NXPE2: variants seen among roughly 807,000 people sequenced by gnomAD.
NXPE2 encodes the protein neurexophilin and PC-esterase domain family member 2.
A neutral mutation model predicts 34.4 loss-of-function variants in NXPE2; 34 were observed. The observed-to-expected ratio is 0.99, with a 90% CI of 0.75 to 1.31. The LOEUF is 1.31. NXPE2 is among the 40% of genes most tolerant of loss of function. NXPE2 has a pLI of 0.00. For synonymous variants in NXPE2, 235 were observed against 231.3 expected (o/e 1.02, Z -0.15); for missense variants, 649 against 672.5 (o/e 0.97, Z 0.39).
At chr11:114,600,596 C>A in the NXPE2 span, among the ~76,000 whole-genome samples, 1 of 151,954 alleles carries the variant, frequency 6.6e-6, no homozygotes, top group Admixed American at 6.6e-5. Flanking sequence ...TCATGAAAAA[C>A]CATGTAAGAC....
At chr11:114,681,497 T>C (rs1950948906) in intron 2 of NXPE2, among the ~76,000 whole-genome samples, 1 of 152,172 alleles carries the variant, frequency 6.6e-6, no homozygotes, top group African/African-American at 2.4e-5. Context: ...GTCCAAGACA[T>C]CCTTGCACTG....
the NXPE2 span, among the ~76,000 whole-genome samples, chr11:114,573,967 A>T: frequency 6.6e-6 from 1 of 152,106 alleles, no homozygotes; most frequent in Non-Finnish European, 1.5e-5. Flanking sequence ...AGGCCACAAA[A>T]CAAGTCTCAG....
chr11:114,581,712 C>T, the NXPE2 span: 8 of 1,606,040 alleles, frequency 5.0e-6, no homozygotes, highest in Non-Finnish European at 6.8e-6. Context: ...CCACCAAACA[C>T]AGGAGTACTT....
At chr11:114,699,988 T>C (rs1039005319) in intron 3 of NXPE2, among the ~76,000 whole-genome samples, 4 of 152,160 alleles carry the variant, frequency 2.6e-5, no homozygotes, top group African/African-American at 9.6e-5. Flanking sequence ...GAGACAGGGT[T>C]TTACCATGTG....
At chr11:114,787,797 C>T in the NXPE2 span, among the ~76,000 whole-genome samples, 1 of 152,180 alleles carries the variant, frequency 6.6e-6, no homozygotes, top group African/African-American at 2.4e-5. Flanking sequence ...TGCCTCCTTT[C>T]TCAAGCCTCT....
the NXPE2 span, among the ~76,000 whole-genome samples, chr11:114,807,445 C>G: frequency 6.6e-6 from 1 of 151,896 alleles, no homozygotes; most frequent in Non-Finnish European, 1.5e-5. Context: ...TTCAGGAAAC[C>G]CATCTCACAT....
chr11:114,629,934 T>C, the NXPE2 span, among the ~76,000 whole-genome samples: 1,432 of 149,844 alleles, frequency 9.6e-3, 32 homozygotes, highest in African/African-American at 0.033. Flanking sequence ...GCTTCAAAGA[T>C]AATAAAATAC....
chr11:114,773,875 A>G, the NXPE2 span, among the ~76,000 whole-genome samples: 2 of 152,142 alleles, frequency 1.3e-5, no homozygotes, highest in African/African-American at 2.4e-5. Context: ...CACTCTCCTG[A>G]TTCTCAGGCC....
At chr11:114,502,844 A>C in the NXPE2 span, among the ~76,000 whole-genome samples, 1 of 152,154 alleles carries the variant, frequency 6.6e-6, no homozygotes, top group Non-Finnish European at 1.5e-5. Context: ...ATTCAGAAAG[A>C]GTTTGATTTG....
At chr11:114,536,628 C>T in the NXPE2 span, among the ~76,000 whole-genome samples, 7 of 152,306 alleles carry the variant, frequency 4.6e-5, no homozygotes, top group East Asian at 1.9e-4. Context: ...GAAATACAAA[C>T]TACCATCAGA....
the NXPE2 span, among the ~76,000 whole-genome samples, chr11:114,651,833 T>C: frequency 6.6e-6 from 1 of 152,170 alleles, no homozygotes; most frequent in African/African-American, 2.4e-5. Context: ...ATCCTTTAGC[T>C]AGACAGAAAA....
At chr11:114,633,451 T>A in the NXPE2 span, among the ~76,000 whole-genome samples, 1 of 146,612 alleles carries the variant, frequency 6.8e-6, no homozygotes, top group Non-Finnish European at 1.5e-5. Context: ...CAATGTATAT[T>A]TTTTCTTTTT....
At chr11:114,755,623 T>C in the NXPE2 span, among the ~76,000 whole-genome samples, 1 of 152,170 alleles carries the variant, frequency 6.6e-6, no homozygotes, top group Non-Finnish European at 1.5e-5. Context: ...TATTTATCCA[T>C]CTTTCTACCT....
the NXPE2 span, among the ~76,000 whole-genome samples, chr11:114,480,701 CGTTG>C: frequency 2.0e-5 from 3 of 152,082 alleles, no homozygotes; most frequent in African/African-American, 4.8e-5. Flanking sequence ...ATACAGCGAC[CGTTG>C]GTTAAAGTAT....
the NXPE2 span, among the ~76,000 whole-genome samples, chr11:114,509,001 C>T: frequency 6.6e-5 from 10 of 152,064 alleles, no homozygotes; most frequent in Non-Finnish European, 2.9e-5. Context: ...TTTTTGCAAA[C>T]GATGCGTCTG....
chr11:114,701,010 T>A (rs1323690596), intron 3 of NXPE2, among the ~76,000 whole-genome samples: 2 of 152,152 alleles, frequency 1.3e-5, no homozygotes, highest in African/African-American at 4.8e-5. Flanking sequence ...CAACTGACCC[T>A]ACATCACTAC....
the NXPE2 span, among the ~76,000 whole-genome samples, chr11:114,758,279 G>A: frequency 7.2e-5 from 11 of 152,164 alleles, no homozygotes; most frequent in Non-Finnish European, 1.3e-4. Flanking sequence ...GAGGGACAAT[G>A]GAGTGGAATG....
At chr11:114,796,985 G>T in the NXPE2 span, among the ~76,000 whole-genome samples, 1 of 152,210 alleles carries the variant, frequency 6.6e-6, no homozygotes, top group South Asian at 2.1e-4. Flanking sequence ...TATAGATGAA[G>T]CACAGAAAGC....
At chr11:114,763,718 G>T in the NXPE2 span, among the ~76,000 whole-genome samples, 4 of 152,296 alleles carry the variant, frequency 2.6e-5, no homozygotes, top group African/African-American at 4.8e-5. Flanking sequence ...ATTAATTAAA[G>T]TTGGGAGGAG....
Sources: allele counts gnomAD v4.1 joint callset (sites outside exome capture counted in the v4.1 genomes callset), GRCh38; gene constraint gnomAD v4.1.1; transcripts MANE v1.5; gene names NCBI Gene and HGNC (gene_info 2026-07-23, HGNC 2026-07-21).